CCSER1: variants seen among roughly 807,000 people sequenced by gnomAD.
CCSER1 encodes serine-rich coiled-coil domain-containing protein 1.
In CCSER1, 41 loss-of-function variants were observed where a neutral mutation model predicts 82.0. That is an observed-to-expected ratio of 0.50 (90% CI 0.39 to 0.65). CCSER1 has a LOEUF of 0.65. CCSER1 is among the 30% of genes least tolerant of loss of function. CCSER1 has a pLI of 0.00. For synonymous variants in CCSER1, 414 were observed against 383.9 expected (o/e 1.08, Z -0.92); for missense variants, 1,119 against 1,064.2 (o/e 1.05, Z -0.72).
At chr4:91,078,467 A>G (rs945307466) in intron 9 of CCSER1, among the ~76,000 whole-genome samples, 1 of 152,218 alleles carries the variant, frequency 6.6e-6, no homozygotes, top group Non-Finnish European at 1.5e-5. Flanking sequence ...AACCACAAAG[A>G]TGTGGAGAAA....
chr4:91,381,233 G>A (rs1217525925), intron 10 of CCSER1, among the ~76,000 whole-genome samples: 5 of 152,064 alleles, frequency 3.3e-5, no homozygotes, highest in African/African-American at 1.2e-4. Flanking sequence ...TCTTGGGGTT[G>A]CTCTTCTCGA....
At chr4:91,588,068 A>G (rs1764090484) in intron 10 of CCSER1, among the ~76,000 whole-genome samples, 1 of 151,306 alleles carries the variant, frequency 6.6e-6, no homozygotes, top group Non-Finnish European at 1.5e-5. Context: ...GCTTCATCTG[A>G]CTCTCATTAT....
intron 3 of CCSER1, among the ~76,000 whole-genome samples, chr4:90,398,078 G>C (rs138231009): frequency 6.6e-6 from 1 of 152,250 alleles, no homozygotes; most frequent in South Asian, 2.1e-4. Flanking sequence ...TTCTCCTGAG[G>C]CCTCTCTCCT....
chr4:91,024,871 A>G (rs529213467), intron 9 of CCSER1, among the ~76,000 whole-genome samples: 78 of 152,236 alleles, frequency 5.1e-4, no homozygotes, highest in African/African-American at 1.8e-3. Flanking sequence ...AGAGACAGGT[A>G]GAAGAATATA....
chr4:90,556,224 T>G (rs1437956918), intron 5 of CCSER1, among the ~76,000 whole-genome samples: 2 of 152,036 alleles, frequency 1.3e-5, no homozygotes, highest in Non-Finnish European at 2.9e-5. Flanking sequence ...AGAAGCTAAT[T>G]AAACTGATAG....
chr4:90,561,251 G>A (rs1038276275), intron 5 of CCSER1, among the ~76,000 whole-genome samples: 8 of 152,036 alleles, frequency 5.3e-5, no homozygotes, highest in African/African-American at 1.9e-4. Flanking sequence ...ACACAACTCT[G>A]TGGCCTTCCA....
At chr4:91,261,457 A>C (rs886419862) in intron 10 of CCSER1, among the ~76,000 whole-genome samples, 2 of 152,194 alleles carry the variant, frequency 1.3e-5, no homozygotes, top group African/African-American at 4.8e-5. Flanking sequence ...CTAGTTGTCA[A>C]TATGGTATCT....
intron 1 of CCSER1, among the ~76,000 whole-genome samples, chr4:90,188,301 T>C (rs546701222): frequency 5.7e-4 from 87 of 151,992 alleles, no homozygotes; most frequent in Non-Finnish European, 1.0e-3. Flanking sequence ...TAAAAAAATA[T>C]ATAGTAGCAG....
At chr4:91,151,880 T>A (rs1730244525) in intron 10 of CCSER1, among the ~76,000 whole-genome samples, 1 of 152,166 alleles carries the variant, frequency 6.6e-6, no homozygotes, top group Admixed American at 6.5e-5. Flanking sequence ...TGCTGAGGAG[T>A]GCTTCACTTC....
intron 10 of CCSER1, among the ~76,000 whole-genome samples, chr4:91,571,986 GCGCAGTTCTGCAGCAGAGGCAGT>G (rs1763209022): frequency 6.6e-6 from 1 of 152,072 alleles, no homozygotes; most frequent in South Asian, 2.1e-4. Context: ...AGGGTGGCAA[GCGCAGTTCTGCAGCAGAGGCAGT>G]GGCAGAGAGG....
intron 10 of CCSER1, among the ~76,000 whole-genome samples, chr4:91,101,576 A>T (rs1190736622): frequency 6.6e-6 from 1 of 150,686 alleles, no homozygotes; most frequent in Non-Finnish European, 1.5e-5. Context: ...CGGAGGTTGC[A>T]GTGAGCTGAG....
Position 91,529,686 on chromosome 4 carries a change from T to G in CCSER1, c.2218-68886T>G, listed in dbSNP as rs549238670. ...CAAGCTACTTAACAGCTCATTAGAT[T>G]GAGTAGCTGCAGGATAGATCTAAGC... On this transcript the variant is annotated intron_variant, in intron 10 of 10. Transcript: ENST00000509176. Among the ~76,000 whole-genome samples the G allele has an allele frequency of 8.9e-4, 136 of 152,216 alleles. 1 individual carries two copies. Among genetic ancestry groups the G allele is most frequent in the African/African-American group, 3.1e-3 (129 of 41,556 alleles).
rs542435007 is a variant in CCSER1 at position 91,303,146 on chromosome 4, T to C, written c.2217+217152T>C. ...AATGATCCCAGTAGTCTAGTTCATG[T>C]TAAGAATGATGCCCAGTCACCTGAT... On this transcript the variant is annotated intron_variant, in intron 10 of 10. Coordinates refer to ENST00000509176, the MANE Select transcript of CCSER1 (RefSeq NM_001145065.2). 8.5e-5 allele frequency among the ~76,000 whole-genome samples: 13 copies of C among 152,124 alleles called. No homozygotes were observed. In the South Asian group the frequency reaches 2.7e-3, roughly 32 times the overall value.
intron 6 of CCSER1, among the ~76,000 whole-genome samples, chr4:90,717,073 A>G (rs545623723): frequency 6.6e-6 from 1 of 152,296 alleles, no homozygotes; most frequent in South Asian, 2.1e-4. Context: ...TGTTAGCTGA[A>G]TGAGAGCATC....
chr4:90,264,388 T>C (rs1560904016), intron 1 of CCSER1, among the ~76,000 whole-genome samples: 1 of 152,184 alleles, frequency 6.6e-6, no homozygotes, highest in Non-Finnish European at 1.5e-5. Context: ...TAACATGATA[T>C]CTATCGAGTC....
At chr4:91,243,446 G>A (rs1441317441) in intron 10 of CCSER1, among the ~76,000 whole-genome samples, 2 of 152,196 alleles carry the variant, frequency 1.3e-5, no homozygotes, top group East Asian at 3.9e-4. Context: ...AGCTAAGGGA[G>A]TGCTTGTGCC....
In CCSER1 at chr4:91,176,688, G is replaced by A. The variant is rs572146583; in HGVS notation, c.2217+90694G>A. 3.9e-5 allele frequency among the ~76,000 whole-genome samples: 6 copies of A among 152,320 alleles called. No individual in the cohort carries two copies. In the East Asian group the frequency reaches 1.2e-3, roughly 29 times the overall value. On this transcript the variant is annotated intron_variant, in intron 10 of 10. Transcript: ENST00000509176. The stretch of plus-strand genomic sequence containing the variant: ...TGATTTTGTATCCTGAGACTTTGCT[G>A]AAGTTGCTTATCAGCTTAAGGAGAT...
intron 1 of CCSER1, among the ~76,000 whole-genome samples, chr4:90,180,997 T>A (rs997036315): frequency 1.3e-5 from 2 of 152,172 alleles, no homozygotes; most frequent in Non-Finnish European, 2.9e-5. Context: ...ATATATATAA[T>A]GAGCATAACA....
intron 5 of CCSER1, among the ~76,000 whole-genome samples, chr4:90,512,214 C>A (rs1247438266): frequency 5.9e-5 from 9 of 151,638 alleles, no homozygotes; most frequent in Non-Finnish European, 1.3e-4. Flanking sequence ...TTTCCCACCT[C>A]TCCTTTCACT....
Sources: allele counts gnomAD v4.1 joint callset (sites outside exome capture counted in the v4.1 genomes callset), GRCh38; gene constraint gnomAD v4.1.1; transcripts MANE v1.5; gene names NCBI Gene and HGNC (gene_info 2026-07-23, HGNC 2026-07-21).